The following MAFK variants were observed in gnomAD, a reference collection of about 807,000 sequenced individuals.
The protein encoded by MAFK is MAF bZIP transcription factor K, also known as transcription factor MafK.
MAFK carries 1 observed loss-of-function variant against 9.2 expected under a neutral mutation model. The ratio of observed to expected loss-of-function variants is 0.11; its 90% CI spans 0.04 to 0.52. MAFK has a LOEUF of 0.52. Ranked by LOEUF, MAFK falls within the 20% of genes least tolerant of loss-of-function variation. MAFK has a pLI of 0.94. For missense variants in MAFK, 207 were observed against 236.0 expected (o/e 0.88, Z 0.81); for synonymous variants, 110 against 107.4 (o/e 1.02, Z -0.15).
chr7:1,534,447 G>C lies in MAFK; in HGVS notation c.-45+3549G>C, dbSNP rs765204450. 2.3e-6 allele frequency: 1 copy of C among 434,912 alleles called. No homozygotes were observed. Among genetic ancestry groups the C allele is most frequent in the South Asian group, 1.6e-5 (1 of 62,414 alleles). 26.9% of individuals were successfully genotyped at this position (434,912 alleles called of 1,614,324 possible). On this transcript the variant is annotated intron_variant, in intron 1 of 2. Transcript: ENST00000343242. The surrounding 1 kb of genome is among the most constrained non-coding windows in gnomAD (Gnocchi z 4.3). The stretch of plus-strand genomic sequence containing the variant: ...TACACCTTGGGTGGCCTCTGGTTTT[G>C]TGGATTGCACCTGCCGTGGGAGTCA...
intron 1 of MAFK, among the ~76,000 whole-genome samples, chr7:1,536,580 C>T (rs950908592): frequency 6.6e-6 from 1 of 152,184 alleles, no homozygotes; most frequent in Admixed American, 6.5e-5. Flanking sequence ...CACAAAACCC[C>T]ATTTAGGGCA....
intron 1 of MAFK, among the ~76,000 whole-genome samples, chr7:1,531,656 T>G (rs534557654): frequency 1.6e-3 from 246 of 151,528 alleles, no homozygotes; most frequent in African/African-American, 5.8e-3. Flanking sequence ...CTCTGTCAAG[T>G]TCAGGAAACT....
chr7:1,530,934 G>GCGGGGA (rs1414156192), intron 1 of MAFK, 36 bp downstream of exon 1: 1 of 145,122 alleles, frequency 6.9e-6, no homozygotes, highest in Admixed American at 6.8e-5. Flanking sequence ...CCGGGCCGCG[G>GCGGGGA]CGGGGACGGG....
intron 1 of MAFK, among the ~76,000 whole-genome samples, chr7:1,537,172 C>A (rs567413543): frequency 5.6e-4 from 85 of 152,284 alleles, no homozygotes; most frequent in Non-Finnish European, 1.0e-3. Flanking sequence ...CTGAACTCTG[C>A]CCCTGGCATC....
chr7:1,540,030 G>T lies in MAFK; in HGVS notation c.126G>T (p.Arg42=), dbSNP rs1314244589. ...TGCGGGAGCTGAACCAGCACCTGCGGGGTCTCACCAAGGAGGAGGTGACCC... is the reference window on the plus strand; with the variant it reads ...TGCGGGAGCTGAACCAGCACCTGCGTGGTCTCACCAAGGAGGAGGTGACCC... ...MSVRELNQHL[R]GLTKEEVTRL... The change falls in exon 3 of 3, where the codon CGG becomes CGT. Residue 42 remains arginine (R), a synonymous_variant. Transcript: ENST00000343242. The T allele has an allele frequency of 6.4e-7, 1 of 1,559,746 alleles. No individual in the cohort carries two copies. Among genetic ancestry groups the T allele is most frequent in the Non-Finnish European group, 8.7e-7 (1 of 1,151,916 alleles).
At chr7:1,538,778 A>C in intron 1 of MAFK, 1 of 229,332 alleles carries the variant, frequency 4.4e-6, no homozygotes, top group Non-Finnish European at 8.6e-6. Flanking sequence ...GGAAGCAGCC[A>C]CTGCCGGCGC....
rs1404237554 is a variant in MAFK, at chr7:1,534,705, C to G, written c.-45+3807C>G. On this transcript the variant is annotated intron_variant, in intron 1 of 2. Transcript: ENST00000343242. This position sits in a 1 kb window ranked among gnomAD's most constrained non-coding sequence, Gnocchi z 4.3. The stretch of plus-strand genomic sequence containing the variant: ...GCATGGAGTCTGTGTCATCATTCAC[C>G]CCTTGGGCAAGAACAAGTGACCCAT... The G allele has an allele frequency of 4.4e-6, 2 of 452,176 alleles. No individual in the cohort carries two copies. Among genetic ancestry groups the G allele is most frequent in the Middle Eastern group, 6.5e-4 (2 of 3,056 alleles). The allele number at this position is 452,176 out of a possible 1,614,324, so 28.0% of individuals were successfully genotyped here. A position where few individuals can be genotyped will look rare whatever the true frequency, so the allele number is the denominator to read the frequency against.
chr7:1,535,684 C>T (rs557190464), intron 1 of MAFK, among the ~76,000 whole-genome samples: 1 of 152,352 alleles, frequency 6.6e-6, no homozygotes, highest in Non-Finnish European at 1.5e-5. Flanking sequence ...CATGATCCTC[C>T]AGAAGCTGAG....
At position 1,537,398 on chromosome 7, in the gene MAFK, TGACGTGCTC is replaced by T. The variant is rs1784057356; in HGVS notation, c.-44-1749_-44-1741del. ...GCTATGTCGTGGCCGGCCTGTGCAC[TGACGTGCTC>T]GCAGTGGAGCTGGAAGCGGTGCCCG... On this transcript the variant is annotated intron_variant, in intron 1 of 2. Transcript: ENST00000343242. 5 of 985,358 alleles carry T rather than the reference TGACGTGCTC, an allele frequency of 5.1e-6. No homozygotes were observed. The South Asian group carries it at 1.4e-4, about 28-fold the overall frequency. The allele number at this position is 985,358 out of a possible 1,614,324, so 61.0% of individuals were successfully genotyped here.
Position 1,534,827 on chromosome 7 carries a change from C to G in MAFK, c.-45+3929C>G. On this transcript the variant is annotated intron_variant, in intron 1 of 2. Coordinates refer to ENST00000343242, the MANE Select transcript of MAFK (RefSeq NM_002360.4). This position sits in a 1 kb window ranked among gnomAD's most constrained non-coding sequence, Gnocchi z 4.3. ...AGCCCCAAAGCTGAAATCCCCGTTTCTCTATGGGCATCCACAGCCGGGACC... is the reference window on the plus strand; with the variant it reads ...AGCCCCAAAGCTGAAATCCCCGTTTGTCTATGGGCATCCACAGCCGGGACC... 2.8e-6 allele frequency: 1 copy of G among 354,244 alleles called. No individual in the cohort carries two copies. The highest frequency in any genetic ancestry group is 2.1e-5 in the South Asian group (1 of 48,626). The allele number at this position is 354,244 out of a possible 1,614,324, so 21.9% of individuals were successfully genotyped here.
In MAFK at chr7:1,534,555, G is replaced by A. The variant is rs967276976; in HGVS notation, c.-45+3657G>A. 2.0e-5 allele frequency: 9 copies of A among 456,102 alleles called. No homozygotes were observed. Among genetic ancestry groups the A allele is most frequent in the African/African-American group, 1.2e-4 (6 of 50,028 alleles). 28.3% of individuals were successfully genotyped at this position (456,102 alleles called of 1,614,324 possible). On this transcript the variant is annotated intron_variant, in intron 1 of 2. Transcript: ENST00000343242. The surrounding 1 kb of genome is among the most constrained non-coding windows in gnomAD (Gnocchi z 4.3). The stretch of plus-strand genomic sequence containing the variant: ...CTCTCGCACAGAGCTCCCGTCCTCC[G>A]TTCCTGGTCTTCCTCCTGCCCCTCC...
In MAFK at chr7:1,534,494, G is replaced by A. The variant is rs559890337; in HGVS notation, c.-45+3596G>A. 12 of 442,330 alleles carry A rather than the reference G, an allele frequency of 2.7e-5. No individual in the cohort carries two copies. Among genetic ancestry groups the A allele is most frequent in the East Asian group, 7.1e-5 (1 of 14,058 alleles). 27.4% of individuals were successfully genotyped at this position (442,330 alleles called of 1,614,324 possible). The stretch of plus-strand genomic sequence containing the variant: ...GTCACTGGTCGGGGGGCGGGAGGGC[G>A]CTTGCTGCTGTGCTGCTGGGTTTCT... On this transcript the variant is annotated intron_variant, in intron 1 of 2. Coordinates refer to ENST00000343242, the MANE Select transcript of MAFK (RefSeq NM_002360.4). This position sits in a 1 kb window ranked among gnomAD's most constrained non-coding sequence, Gnocchi z 4.3.
intron 1 of MAFK, among the ~76,000 whole-genome samples, chr7:1,536,305 GGTGTTTTGTTAGCTGCTGGGC>G (rs1427457949): frequency 6.6e-6 from 1 of 152,192 alleles, no homozygotes; most frequent in Non-Finnish European, 1.5e-5. Context: ...TGGCGATGCT[GGTGTTTTGTTAGCTGCTGGGC>G]GTAAGACACA....
At chr7:1,539,783 C>T (rs902879359) in intron 2 of MAFK, among the ~76,000 whole-genome samples, 158 bp from the exon 3 acceptor site, 8 of 152,202 alleles carry the variant, frequency 5.3e-5, no homozygotes, top group Admixed American at 5.2e-4. Context: ...GGGCTGCCTG[C>T]GTGCACAGTG....
At chr7:1,535,766 C>CG (rs981291974) in intron 1 of MAFK, among the ~76,000 whole-genome samples, 2 of 152,204 alleles carry the variant, frequency 1.3e-5, no homozygotes, top group Non-Finnish European at 2.9e-5. Context: ...CCTGCCCTGC[C>CG]GGGGGGAGCC....
At chr7:1,535,552 G>A (rs928155602) in intron 1 of MAFK, among the ~76,000 whole-genome samples, 3 of 152,246 alleles carry the variant, frequency 2.0e-5, no homozygotes, top group African/African-American at 7.2e-5. Context: ...CTGCTCGGGA[G>A]GCTGAGGCAG....
Position 1,534,337 on chromosome 7 carries a change from A to T in MAFK, c.-45+3439A>T, listed in dbSNP as rs774629365. 8.8e-6 allele frequency: 4 copies of T among 454,426 alleles called. No homozygotes were observed. Among genetic ancestry groups the T allele is most frequent in the East Asian group, 1.4e-4 (2 of 14,296 alleles). The allele number at this position is 454,426 out of a possible 1,614,324, so 28.1% of individuals were successfully genotyped here. A position where few individuals can be genotyped will look rare whatever the true frequency, so the allele number is the denominator to read the frequency against. On this transcript the variant is annotated intron_variant, in intron 1 of 2. Transcript: ENST00000343242. The surrounding 1 kb of genome is among the most constrained non-coding windows in gnomAD (Gnocchi z 4.3). ...CAGGCACCCACTGGGTACCAGTGCC[A>T]CAGCGGCCCCACCTACCCTTGCGGC...
At chr7:1,537,537 G>A (rs1260589424) in intron 1 of MAFK, 58 of 985,504 alleles carry the variant, frequency 5.9e-5, no homozygotes, top group Non-Finnish European at 6.9e-5. Context: ...CCTCTCCACT[G>A]TCACCCTCAC....
In MAFK at chr7:1,540,474, C is replaced by T. The variant is rs916901386; in HGVS notation, c.*99C>T. 9 of 1,204,674 alleles carry T rather than the reference C, an allele frequency of 7.5e-6. No individual in the cohort carries two copies. Among genetic ancestry groups the T allele is most frequent in the South Asian group, 6.3e-5 (4 of 63,152 alleles). The allele number at this position is 1,204,674 out of a possible 1,614,324, so 74.6% of individuals were successfully genotyped here. A position where few individuals can be genotyped will look rare whatever the true frequency, so the allele number is the denominator to read the frequency against. ...CACTGGGATGCAGACTCTCGACATCCGAGTCCAAGCGCAGGCCCCTCGGGC... is the reference window on the plus strand; with the variant it reads ...CACTGGGATGCAGACTCTCGACATCTGAGTCCAAGCGCAGGCCCCTCGGGC... On this transcript the variant is annotated 3_prime_UTR_variant, in exon 3 of 3. Transcript: ENST00000343242.
Sources: allele counts gnomAD v4.1 joint callset (sites outside exome capture counted in the v4.1 genomes callset), GRCh38; gene constraint gnomAD v4.1.1; non-coding constraint Gnocchi (gnomAD v3.1); transcripts MANE v1.5; gene names NCBI Gene and HGNC (gene_info 2026-07-23, HGNC 2026-07-21).